MAPK8: variants seen among roughly 807,000 people sequenced by gnomAD.
MAPK8 encodes the protein mitogen-activated protein kinase 8.
Under a neutral mutation model 52.9 loss-of-function variants are expected in MAPK8, and 13 were observed. That is an observed-to-expected ratio of 0.25 (90% confidence interval 0.16 to 0.39). The LOEUF (loss-of-function observed/expected upper bound fraction) is 0.39, where lower values mean the gene tolerates loss of function less well. Ranked by LOEUF, MAPK8 falls within the 10% of genes least tolerant of loss-of-function variation. The pLI is 1.00. For synonymous variants in MAPK8, 191 were observed against 169.8 expected (o/e 1.12, Z -0.97); for missense variants, 300 against 519.2 (o/e 0.58, Z 4.10).
chr10:48,335,537 T>C (rs1348081990), intron 1 of MAPK8, among the ~76,000 whole-genome samples: 1 of 152,170 alleles, frequency 6.6e-6, no homozygotes, highest in Admixed American at 6.5e-5. Flanking sequence ...CACTTGATAG[T>C]TTTAATTTTT....
intron 1 of MAPK8, among the ~76,000 whole-genome samples, chr10:48,354,770 A>C (rs1203653512): frequency 6.6e-6 from 1 of 152,004 alleles, no homozygotes; most frequent in Non-Finnish European, 1.5e-5. Flanking sequence ...TTGCAGTGCG[A>C]ATTTAACGCT....
At chr10:48,368,225 T>C (rs1243843623) in intron 1 of MAPK8, among the ~76,000 whole-genome samples, 1 of 152,242 alleles carries the variant, frequency 6.6e-6, no homozygotes, top group Non-Finnish European at 1.5e-5. Context: ...AAATGCATGC[T>C]CTTTACCCTT....
At chr10:48,409,803 T>C in intron 3 of MAPK8, 76 bp from the exon 4 acceptor site, 1 of 948,652 alleles carries the variant, frequency 1.1e-6, no homozygotes. Context: ...TTTTTTTAAC[T>C]CATGTATTTG....
At chr10:48,372,196 A>G (rs2040370833) in intron 1 of MAPK8, among the ~76,000 whole-genome samples, 1 of 152,042 alleles carries the variant, frequency 6.6e-6, no homozygotes, top group South Asian at 2.1e-4. Context: ...CCCTCTAATT[A>G]TGATTACAAA....
intron 1 of MAPK8, among the ~76,000 whole-genome samples, chr10:48,387,478 A>G (rs897280655): frequency 6.6e-6 from 1 of 152,164 alleles, no homozygotes; most frequent in Non-Finnish European, 1.5e-5. Flanking sequence ...ATTAATTTTT[A>G]TAAAATTGTG....
At chr10:48,310,729 TTGTGTGTG>T (rs111302388) in intron 1 of MAPK8, among the ~76,000 whole-genome samples, 7 of 149,024 alleles carry the variant, frequency 4.7e-5, no homozygotes, top group African/African-American at 9.8e-5. Flanking sequence ...GTTTTTAAAA[TTGTGTGTG>T]TGTGTGTGTG....
chr10:48,432,198 A>C (rs1432780875), intron 11 of MAPK8, among the ~76,000 whole-genome samples: 1 of 152,196 alleles, frequency 6.6e-6, no homozygotes, highest in Non-Finnish European at 1.5e-5. Flanking sequence ...TTTTGAAGTA[A>C]AACTATGCCA....
At position 48,364,695 on chromosome 10, in the gene MAPK8, T is replaced by G. The variant is rs755867552; in HGVS notation, c.-49-36917T>G. 3.7e-4 allele frequency among the ~76,000 whole-genome samples: 57 copies of G among 152,210 alleles called. 1 individual carries two copies. The highest frequency in any genetic ancestry group is 2.4e-4 in the Non-Finnish European group (16 of 68,020). On this transcript the variant is annotated intron_variant, in intron 1 of 11. Coordinates refer to ENST00000374189, the MANE Select transcript of MAPK8 (RefSeq NM_001323329.2). ...GCAAACTCTTTGTGATATCAAGGGT[T>G]GTTTTTTATTTTTTTGCCCAAGAGA...
At chr10:48,333,992 A>G (rs1053322164) in intron 1 of MAPK8, among the ~76,000 whole-genome samples, 2 of 151,426 alleles carry the variant, frequency 1.3e-5, no homozygotes, top group Non-Finnish European at 2.9e-5. Context: ...TCCACCCACC[A>G]CCCGCTGAGC....
chr10:48,377,352 G>A (rs2040731896), intron 1 of MAPK8, among the ~76,000 whole-genome samples: 1 of 75,448 alleles, frequency 1.3e-5, no homozygotes, highest in South Asian at 3.7e-4. Flanking sequence ...AGAACTTAAA[G>A]TATAATTTAA....
chr10:48,350,259 C>T (rs1336987531), intron 1 of MAPK8, among the ~76,000 whole-genome samples: 1 of 152,222 alleles, frequency 6.6e-6, no homozygotes, highest in Non-Finnish European at 1.5e-5. Context: ...TTCTCCGTAA[C>T]TCATTTTATG....
intron 6 of MAPK8, 135 bp from the exon 7 acceptor site, chr10:48,423,953 G>A (rs544751715): frequency 5.1e-5 from 26 of 510,270 alleles, no homozygotes; most frequent in African/African-American, 2.1e-4. Flanking sequence ...AAATTATTCC[G>A]TTAGCTAAAG....
intron 5 of MAPK8, among the ~76,000 whole-genome samples, chr10:48,413,815 T>TTATACATATA (rs2042893850): frequency 4.1e-5 from 2 of 48,378 alleles, no homozygotes; most frequent in South Asian, 5.7e-4. Context: ...GCCAGAATTG[T>TTATACATATA]TATATATATA....
chr10:48,416,177 G>C (rs1420588681), intron 5 of MAPK8, among the ~76,000 whole-genome samples: 1 of 152,102 alleles, frequency 6.6e-6, no homozygotes, highest in Non-Finnish European at 1.5e-5. Context: ...TCATCCCTTG[G>C]GGGTTCAGGG....
chr10:48,424,777 C>T (rs2043574483), intron 7 of MAPK8, among the ~76,000 whole-genome samples: 1 of 152,058 alleles, frequency 6.6e-6, no homozygotes, highest in South Asian at 2.1e-4. Context: ...CTGAACCCTG[C>T]TCAATTGTAA....
At chr10:48,414,874 G>T (rs55914834) in intron 5 of MAPK8, among the ~76,000 whole-genome samples, 14,477 of 152,022 alleles carry the variant, frequency 0.095, 723 homozygotes, top group Non-Finnish European at 0.11. Flanking sequence ...GAGCCATCAT[G>T]CCCAGCCTGG....
chr10:48,425,128 A>G, intron 7 of MAPK8: 1 of 727,714 alleles, frequency 1.4e-6, no homozygotes, highest in East Asian at 2.6e-5. Context: ...ATTTATATTA[A>G]CAGTGATTTG....
At chr10:48,331,281 G>A (rs1189656684) in intron 1 of MAPK8, among the ~76,000 whole-genome samples, 2 of 152,104 alleles carry the variant, frequency 1.3e-5, no homozygotes, top group African/African-American at 4.8e-5. Flanking sequence ...TTACAGTCTG[G>A]GATGCTACTG....
chr10:48,378,867 G>A (rs1165826315), intron 1 of MAPK8, among the ~76,000 whole-genome samples: 3 of 152,088 alleles, frequency 2.0e-5, no homozygotes, highest in Non-Finnish European at 2.9e-5. Flanking sequence ...CTGGGCTCAA[G>A]TGATCCTCCA....
Sources: allele counts gnomAD v4.1 joint callset (sites outside exome capture counted in the v4.1 genomes callset), GRCh38; gene constraint gnomAD v4.1.1; transcripts MANE v1.5; gene names NCBI Gene and HGNC (gene_info 2026-07-23, HGNC 2026-07-21).